The following ERC1 variants were observed in gnomAD, a reference collection of about 807,000 sequenced individuals.
ERC1 encodes the protein RAB6 interacting protein 2.
In ERC1, 56 loss-of-function variants were observed where a neutral mutation model predicts 132.0. The ratio of observed to expected loss-of-function variants is 0.42; its 90% CI spans 0.34 to 0.53. The LOEUF is 0.53. ERC1 is among the 20% of genes least tolerant of loss of function. The probability of loss-of-function intolerance (pLI) is 0.03; values close to 1 mark genes in which losing one functional copy is unlikely to be tolerated. For missense variants in ERC1, 1,202 were observed against 1,349.9 expected (o/e 0.89, Z 1.72); for synonymous variants, 478 against 476.1 (o/e 1.00, Z -0.05).
chr12:1,092,001 CTTTTT>C (rs34377863), intron 3 of ERC1, among the ~76,000 whole-genome samples: 3 of 138,058 alleles, frequency 2.2e-5, no homozygotes, highest in Non-Finnish European at 4.7e-5. Context: ...TTAATCAATT[CTTTTT>C]TTTTTTTTTT....
rs937181735 is a variant in ERC1, at chr12:1,346,526, TACTG to T, written c.2781-25304_2781-25301del. ...TATTACCTGCAGCCCAACACAAAAA[TACTG>T]ACAAACCTTTCATTTCTAGGAGAAC... On this transcript the variant is annotated intron_variant, in intron 15 of 18. Transcript: ENST00000360905. Among the ~76,000 whole-genome samples, 74 of 152,328 alleles carry T rather than the reference TACTG, an allele frequency of 4.9e-4. 2 individuals carry two copies. The highest frequency in any genetic ancestry group is 4.0e-3 in the Admixed American group (61 of 15,306).
intron 8 of ERC1, among the ~76,000 whole-genome samples, chr12:1,166,874 A>C (rs1166103734): frequency 3.3e-5 from 5 of 152,224 alleles, no homozygotes; most frequent in African/African-American, 1.2e-4. Flanking sequence ...TTCAAGTGCT[A>C]AGGTGTAATA....
In ERC1 at chr12:1,236,874, C is replaced by T. The variant is rs112472403; in HGVS notation, c.2457C>T (p.Asp819=). Residue 819 remains aspartate (D), a synonymous_variant, in exon 13 of 19, where the codon GAC becomes GAT. Coordinates refer to ENST00000360905, the MANE Select transcript of ERC1 (RefSeq NM_178040.4). ...TAGAGGAGGCGCGACGACGGGAGGA[C>T]AATCTCAACGACAGCTCTCAGCAGC... The part of the protein sequence containing the change: ...QMLEEARRRE[D]NLNDSSQQLQ... 6.2e-7 allele frequency: 1 copy of T among 1,614,080 alleles called. No individual in the cohort carries two copies. The highest frequency in any genetic ancestry group is 1.7e-5 in the Admixed American group (1 of 59,986).
intron 12 of ERC1, among the ~76,000 whole-genome samples, chr12:1,197,559 A>G (rs1956451493): frequency 6.6e-6 from 1 of 152,180 alleles, no homozygotes; most frequent in African/African-American, 2.4e-5. Flanking sequence ...CATAACTGGC[A>G]TGTGGGTTGT....
intron 13 of ERC1, among the ~76,000 whole-genome samples, chr12:1,256,263 G>A (rs985515301): frequency 7.6e-5 from 11 of 144,796 alleles, no homozygotes; most frequent in Admixed American, 5.5e-4. Flanking sequence ...TTTAAAATTA[G>A]ACTCTGTTTT....
At chr12:1,007,476 CTCTCTCTCTCTCTCTCTT>C (rs2154136239) in intron 1 of ERC1, among the ~76,000 whole-genome samples, 1 of 150,482 alleles carries the variant, frequency 6.6e-6, no homozygotes, top group East Asian at 1.9e-4. Flanking sequence ...CTCTCTCTCT[CTCTCTCTCTCTCTCTCTT>C]TCTCTCTCTC....
intron 1 of ERC1, among the ~76,000 whole-genome samples, chr12:1,007,490 C>CTCTCTCTT (rs1212401155): frequency 7.5e-6 from 1 of 134,122 alleles, no homozygotes; most frequent in Admixed American, 7.2e-5. Context: ...CTCTCTCTCT[C>CTCTCTCTT]TCTTTCTCTC....
chr12:1,196,497 G>GTT (rs142573969), intron 12 of ERC1, among the ~76,000 whole-genome samples: 18 of 139,230 alleles, frequency 1.3e-4, no homozygotes, highest in East Asian at 2.0e-4. Context: ...TCTTATGTAG[G>GTT]TTTTTTTTTT....
chr12:1,050,640 T>A (rs999446776), intron 2 of ERC1, among the ~76,000 whole-genome samples: 1 of 152,198 alleles, frequency 6.6e-6, no homozygotes, highest in Non-Finnish European at 1.5e-5. Context: ...TGACTCATTT[T>A]AAAAAACTGA....
intron 8 of ERC1, among the ~76,000 whole-genome samples, chr12:1,179,660 A>C (rs1245668192): frequency 2.6e-5 from 4 of 151,592 alleles, no homozygotes; most frequent in Non-Finnish European, 5.9e-5. Context: ...GGCGCCCGCC[A>C]CTACGCCCGG....
chr12:1,381,539 C>A (rs2088668368), intron 16 of ERC1, among the ~76,000 whole-genome samples: 1 of 152,100 alleles, frequency 6.6e-6, no homozygotes, highest in Admixed American at 6.5e-5. Context: ...AAATGTTAAT[C>A]TTTTAAAAAT....
In ERC1 at chr12:1,183,410, C is replaced by T. The variant is rs201517311; in HGVS notation, c.2146C>T (p.Gln716Ter). ...GGAGGAGTGTCTGAAAATGGAATCA[C>T]AATTGAAAAAGGTTAAAGAAAAAAT... ...KKEECLKMESQLKKAHEAALE... is the reference protein window; with the variant it reads ...KKEECLKMES The change falls in exon 11 of 19, where the codon CAA becomes TAA. Residue 716 changes from glutamine (Q) to a stop codon, truncating the protein, a stop_gained. Transcript: ENST00000360905. LOFTEE classifies it high-confidence loss of function. 6.4e-7 allele frequency: 1 copy of T among 1,565,002 alleles called. No individual in the cohort carries two copies.
At chr12:995,064 C>T (rs1592555804) in intron 1 of ERC1, among the ~76,000 whole-genome samples, 1 of 151,152 alleles carries the variant, frequency 6.6e-6, no homozygotes, top group East Asian at 1.9e-4. Flanking sequence ...CTATTGCACT[C>T]CAGCCTGGGT....
At chr12:1,208,803 G>A (rs1301635263) in intron 12 of ERC1, among the ~76,000 whole-genome samples, 1 of 152,006 alleles carries the variant, frequency 6.6e-6, no homozygotes, top group East Asian at 1.9e-4. Context: ...TTTGTTTTGA[G>A]ATGAGTCTTT....
intron 18 of ERC1, chr12:1,444,976 A>C: frequency 2.4e-6 from 1 of 411,606 alleles, no homozygotes; most frequent in Non-Finnish European, 4.3e-6. Flanking sequence ...TCCAGATATA[A>C]TTTTTAAACT....
chr12:1,055,952 C>G (rs1972865871), intron 2 of ERC1, among the ~76,000 whole-genome samples: 1 of 150,994 alleles, frequency 6.6e-6, no homozygotes, highest in Admixed American at 6.6e-5. Context: ...TTGAGACCAG[C>G]CTGGGCAACA....
intron 15 of ERC1, among the ~76,000 whole-genome samples, chr12:1,355,251 A>G (rs1381892111): frequency 1.3e-5 from 2 of 152,234 alleles, no homozygotes; most frequent in African/African-American, 2.4e-5. Flanking sequence ...TGAATTTCAT[A>G]TAATTTTCAC....
At chr12:1,050,324 C>G (rs993011003) in intron 2 of ERC1, among the ~76,000 whole-genome samples, 2 of 152,174 alleles carry the variant, frequency 1.3e-5, no homozygotes, top group Admixed American at 6.5e-5. Flanking sequence ...GTGGTGGTAG[C>G]AAACAGGATA....
chr12:1,189,570 C>G (rs1263076558), intron 11 of ERC1, among the ~76,000 whole-genome samples: 1 of 152,164 alleles, frequency 6.6e-6, no homozygotes, highest in African/African-American at 2.4e-5. Context: ...TAGTTTGTCT[C>G]ACTAAACTCT....
Sources: allele counts gnomAD v4.1 joint callset (sites outside exome capture counted in the v4.1 genomes callset), GRCh38; gene constraint gnomAD v4.1.1; transcripts MANE v1.5; gene names NCBI Gene and HGNC (gene_info 2026-07-23, HGNC 2026-07-21).